The following PRKG1 variants were observed in gnomAD, a reference collection of about 807,000 sequenced individuals.
PRKG1 encodes the protein protein kinase cGMP-dependent 1.
A neutral mutation model predicts 88.1 loss-of-function variants in PRKG1; 35 were observed. The observed-to-expected ratio is 0.40, with a 90% confidence interval of 0.30 to 0.53. PRKG1 has a LOEUF of 0.53. PRKG1 is among the 20% of genes least tolerant of loss of function. The pLI is 0.59. For missense variants in PRKG1, 540 were observed against 839.8 expected (o/e 0.64, Z 4.41); for synonymous variants, 303 against 292.5 (o/e 1.04, Z -0.37).
chr10:52,120,699 T>G (rs1039855765), intron 7 of PRKG1, among the ~76,000 whole-genome samples: 1 of 152,210 alleles, frequency 6.6e-6, no homozygotes, highest in Non-Finnish European at 1.5e-5. Context: ...GGACAGGAGT[T>G]GGGCTCCCCA....
At chr10:51,394,225 T>C (rs748366737) in intron 2 of PRKG1, among the ~76,000 whole-genome samples, 6 of 152,200 alleles carry the variant, frequency 3.9e-5, no homozygotes, top group Non-Finnish European at 8.8e-5. Flanking sequence ...GACTGTCATA[T>C]AGGGGTTTGA....
At chr10:51,822,975 CA>C (rs1839787508) in intron 4 of PRKG1, among the ~76,000 whole-genome samples, 1 of 152,082 alleles carries the variant, frequency 6.6e-6, no homozygotes, top group African/African-American at 2.4e-5. Context: ...TTCATGAGGT[CA>C]AAACTATTCT....
intron 5 of PRKG1, among the ~76,000 whole-genome samples, chr10:51,958,735 T>A (rs554989882): frequency 6.6e-5 from 10 of 152,258 alleles, no homozygotes; most frequent in Admixed American, 1.3e-4. Flanking sequence ...TGGTCTGACA[T>A]AGAATCAGGC....
chr10:51,403,393 C>A (rs1443446139), intron 2 of PRKG1, among the ~76,000 whole-genome samples: 4 of 152,086 alleles, frequency 2.6e-5, no homozygotes, highest in Non-Finnish European at 4.4e-5. Flanking sequence ...TTGAAGAAAT[C>A]TAAAATATAC....
chr10:51,950,951 G>A (rs1358083040), intron 5 of PRKG1, among the ~76,000 whole-genome samples: 3 of 152,258 alleles, frequency 2.0e-5, no homozygotes, highest in African/African-American at 7.2e-5. Context: ...CCAATGGTGG[G>A]AAAGTCCCCC....
At chr10:51,024,974 T>C (rs147606584) in intron 1 of PRKG1, among the ~76,000 whole-genome samples, 11 of 152,208 alleles carry the variant, frequency 7.2e-5, no homozygotes, top group African/African-American at 2.6e-4. Context: ...AATCCTGAGC[T>C]CCTGTGTGCC....
rs966443488 is a variant in PRKG1 at position 52,288,874 on chromosome 10, T to TGAAAAC, written c.1832+27_1832+32dup. ...GTAAGTATTTCAACCACATTATTTTTGAAAACATCATAATGTGAAAAAATT... is the reference window on the plus strand; with the variant it reads ...GTAAGTATTTCAACCACATTATTTTTGAAAACGAAAACATCATAATGTGAAAAAATT... On this transcript the variant is annotated intron_variant, in intron 15 of 17. Transcript: ENST00000373980. 5 of 1,593,928 alleles carry TGAAAAC rather than the reference T, an allele frequency of 3.1e-6. No individual in the cohort carries two copies. The African/African-American group carries it at 6.8e-5, about 22-fold the overall frequency.
chr10:51,904,173 A>G (rs1842037994), intron 4 of PRKG1, among the ~76,000 whole-genome samples: 2 of 152,244 alleles, frequency 1.3e-5, no homozygotes, highest in South Asian at 4.1e-4. Context: ...GGGAACCAAA[A>G]CAATAGGTAA....
intron 3 of PRKG1, among the ~76,000 whole-genome samples, chr10:51,750,303 C>A (rs1004264730): frequency 6.6e-6 from 1 of 152,088 alleles, no homozygotes; most frequent in Non-Finnish European, 1.5e-5. Flanking sequence ...AACTGACTTG[C>A]ACCCCAATAA....
At chr10:52,163,339 TTATA>T (rs1838332116) in intron 9 of PRKG1, among the ~76,000 whole-genome samples, 1 of 148,660 alleles carries the variant, frequency 6.7e-6, no homozygotes, top group Admixed American at 6.7e-5. Context: ...GTATTACAAT[TTATA>T]TAATTATAAT....
At chr10:52,096,994 G>C (rs751023618) in intron 7 of PRKG1, among the ~76,000 whole-genome samples, 2 of 151,950 alleles carry the variant, frequency 1.3e-5, no homozygotes, top group Non-Finnish European at 2.9e-5. Flanking sequence ...TAGGACTCTG[G>C]GGTAGATCTT....
intron 3 of PRKG1, among the ~76,000 whole-genome samples, chr10:51,663,719 A>C (rs1442694035): frequency 2.0e-5 from 3 of 151,346 alleles, no homozygotes; most frequent in Non-Finnish European, 4.4e-5. Context: ...AAAAAAAAAA[A>C]AAAAACACAC....
chr10:51,190,145 C>A (rs1215911945), intron 2 of PRKG1, among the ~76,000 whole-genome samples: 1 of 151,928 alleles, frequency 6.6e-6, no homozygotes, highest in Non-Finnish European at 1.5e-5. Flanking sequence ...AGAAGTAGTT[C>A]ATCTTTTGTT....
chr10:52,091,870 T>C (rs779971836), intron 7 of PRKG1, among the ~76,000 whole-genome samples: 10 of 152,212 alleles, frequency 6.6e-5, no homozygotes, highest in Non-Finnish European at 1.2e-4. Flanking sequence ...CATCCTCTGG[T>C]GCAGCAATCC....
At chr10:51,076,323 A>C (rs1048186622) in intron 1 of PRKG1, among the ~76,000 whole-genome samples, 11 of 152,216 alleles carry the variant, frequency 7.2e-5, no homozygotes, top group Non-Finnish European at 1.5e-4. Flanking sequence ...CAGCAGACTT[A>C]GATCTGCCTT....
At chr10:51,409,777 C>A (rs1247957109) in intron 2 of PRKG1, among the ~76,000 whole-genome samples, 1 of 141,438 alleles carries the variant, frequency 7.1e-6, no homozygotes, top group Non-Finnish European at 1.5e-5. Context: ...TGGCTTGAAC[C>A]CAGGAGGTGG....
chr10:51,676,522 A>G (rs924537933), intron 3 of PRKG1, among the ~76,000 whole-genome samples: 3 of 152,100 alleles, frequency 2.0e-5, no homozygotes, highest in African/African-American at 7.2e-5. Flanking sequence ...TAACCTGAGC[A>G]AAGAATGATC....
At chr10:52,288,613 T>G (rs2132459797) in intron 14 of PRKG1, 113 bp from the exon 15 acceptor site, 1 of 1,197,890 alleles carries the variant, frequency 8.3e-7, no homozygotes, top group Admixed American at 2.7e-5. Flanking sequence ...TTGTCACTAT[T>G]AATCTAAGCC....
At chr10:52,149,916 G>T (rs978769229) in intron 8 of PRKG1, among the ~76,000 whole-genome samples, 1 of 152,044 alleles carries the variant, frequency 6.6e-6, no homozygotes. Flanking sequence ...GGAGGCCAAG[G>T]TGGGTGGAAT....
Sources: gnomAD v4.1 joint callset for allele counts (sites outside exome capture counted in the v4.1 genomes callset) on GRCh38, gnomAD v4.1.1 for gene constraint, MANE v1.5 for transcripts, NCBI Gene and HGNC (gene_info 2026-07-23, HGNC 2026-07-21) for gene names.